Variants in RAB11FIP4 observed in about 807,000 individuals in gnomAD.
The protein encoded by RAB11FIP4 is RAB11 family interacting protein 4, also known as rab11 family-interacting protein 4.
RAB11FIP4 carries 23 observed loss-of-function variants against 74.3 expected under a neutral mutation model. The ratio of observed to expected loss-of-function variants is 0.31; its 90% CI spans 0.22 to 0.44. The LOEUF is 0.44. Ranked by LOEUF, RAB11FIP4 falls within the 20% of genes least tolerant of loss-of-function variation. RAB11FIP4 has a pLI of 1.00. For synonymous variants in RAB11FIP4, 360 were observed against 359.9 expected, an observed-to-expected ratio of 1.00 and a Z score of 0.00; for missense variants, 630 against 863.9, an observed-to-expected ratio of 0.73 and a Z score of 3.39.
intron 3 of RAB11FIP4, among the ~76,000 whole-genome samples, chr17:31,454,084 C>G (rs966374887): frequency 6.6e-6 from 1 of 152,136 alleles, no homozygotes; most frequent in Non-Finnish European, 1.5e-5. Flanking sequence ...GAGCCCACCC[C>G]TTTGTCAGAC....
intron 3 of RAB11FIP4, among the ~76,000 whole-genome samples, chr17:31,445,440 A>T (rs1247845612): frequency 1.3e-5 from 2 of 149,870 alleles, no homozygotes; most frequent in Non-Finnish European, 3.0e-5. Context: ...ACACTCTCCT[A>T]TGTGACCACA....
chr17:31,407,040 ATTTT>A (rs59919036), intron 1 of RAB11FIP4, among the ~76,000 whole-genome samples: 20 of 51,212 alleles, frequency 3.9e-4, no homozygotes, highest in African/African-American at 1.3e-3. Context: ...GTTTCACTTG[ATTTT>A]TTTTTTTTTT....
intron 3 of RAB11FIP4, among the ~76,000 whole-genome samples, chr17:31,488,980 A>G (rs11080156): frequency 0.76 from 115,736 of 152,146 alleles, 44,284 homozygotes; most frequent in East Asian, 0.94. Context: ...CTCCTCGCCC[A>G]TGCAAACTCT....
chr17:31,533,036 C>T lies in RAB11FIP4; in HGVS notation c.*1304C>T, dbSNP rs1183360202. On this transcript the variant is annotated 3_prime_UTR_variant, in exon 15 of 15. Coordinates refer to ENST00000621161, the MANE Select transcript of RAB11FIP4 (RefSeq NM_032932.6). Reference sequence around the variant, plus strand: ...TTTTCTTAATCCAAATATATATAAACGTGTGTGGTCTTATTCTTCCCCCTG... The same window carrying T: ...TTTTCTTAATCCAAATATATATAAATGTGTGTGGTCTTATTCTTCCCCCTG... 6.6e-6 allele frequency: 1 copy of T among 152,082 alleles called. No homozygotes were observed. The highest frequency in any genetic ancestry group is 1.5e-5 in the Non-Finnish European group (1 of 68,036). 9.4% of individuals were successfully genotyped at this position (152,082 alleles called of 1,614,324 possible).
At chr17:31,408,467 T>C (rs997619658) in intron 1 of RAB11FIP4, among the ~76,000 whole-genome samples, 4 of 152,222 alleles carry the variant, frequency 2.6e-5, no homozygotes, top group Non-Finnish European at 5.9e-5. Flanking sequence ...GTACTTTTTT[T>C]CCATTGATTT....
chr17:31,447,883 C>T (rs1412127253), intron 3 of RAB11FIP4, among the ~76,000 whole-genome samples: 2 of 151,722 alleles, frequency 1.3e-5, no homozygotes, highest in Non-Finnish European at 2.9e-5. Flanking sequence ...TGCAGTGGCG[C>T]GATCTCAGCT....
chr17:31,516,466 G>T (rs757390028), intron 3 of RAB11FIP4, among the ~76,000 whole-genome samples: 4 of 152,112 alleles, frequency 2.6e-5, no homozygotes, highest in Non-Finnish European at 4.4e-5. Context: ...CAAAAACAGA[G>T]ATTTATTTTA....
At chr17:31,463,769 GT>G (rs1428895374) in intron 3 of RAB11FIP4, among the ~76,000 whole-genome samples, 1 of 127,752 alleles carries the variant, frequency 7.8e-6, no homozygotes, top group Non-Finnish European at 1.6e-5. Context: ...CTCCCAAAGT[GT>G]TGGGATTACA....
chr17:31,412,290 A>T lies in RAB11FIP4; in HGVS notation c.160-19523A>T, dbSNP rs904016346. Among the ~76,000 whole-genome samples the T allele has an allele frequency of 9.2e-5, 14 of 152,350 alleles. No individual in the cohort carries two copies. In the South Asian group the frequency reaches 2.9e-3, roughly 32 times the overall value. On this transcript the variant is annotated intron_variant, in intron 1 of 14. Coordinates refer to ENST00000621161, the MANE Select transcript of RAB11FIP4 (RefSeq NM_032932.6). Reference sequence around the variant, plus strand: ...GAGAAAAGCTCTAGATCCCCAGAGCAGGGGTCCCACCCGTGTCCAGCAAAC... The same window carrying T: ...GAGAAAAGCTCTAGATCCCCAGAGCTGGGGTCCCACCCGTGTCCAGCAAAC...
chr17:31,488,103 C>T, intron 3 of RAB11FIP4: 3 of 1,020,248 alleles, frequency 2.9e-6, no homozygotes, highest in Non-Finnish European at 3.5e-6. Context: ...GGGGCCGCGC[C>T]TTCCACTGGT....
chr17:31,402,865 TCC>T (rs2071004869), intron 1 of RAB11FIP4, among the ~76,000 whole-genome samples: 2 of 151,870 alleles, frequency 1.3e-5, no homozygotes, highest in Non-Finnish European at 2.9e-5. Context: ...GACCTTGTGA[TCC>T]ACCCGCCTTG....
At chr17:31,411,105 T>C (rs1446592341) in intron 1 of RAB11FIP4, among the ~76,000 whole-genome samples, 3 of 152,218 alleles carry the variant, frequency 2.0e-5, no homozygotes, top group Non-Finnish European at 4.4e-5. Context: ...GGCTCACGCC[T>C]GTAATCCCAG....
At position 31,532,773 on chromosome 17, in the gene RAB11FIP4, C is replaced by T. The variant is rs993171952; in HGVS notation, c.*1041C>T. The T allele has an allele frequency of 3.3e-5, 5 of 152,194 alleles. No homozygotes were observed. Among genetic ancestry groups the T allele is most frequent in the Admixed American group, 6.5e-5 (1 of 15,282 alleles). 9.4% of individuals were successfully genotyped at this position (152,194 alleles called of 1,614,324 possible). Reference sequence around the variant, plus strand: ...CACTCGTGTGGCAGCAAGACTGCTTCGTTCCAGCGTTTAGAAACACACCTG... The same window carrying T: ...CACTCGTGTGGCAGCAAGACTGCTTTGTTCCAGCGTTTAGAAACACACCTG... On this transcript the variant is annotated 3_prime_UTR_variant, in exon 15 of 15. Coordinates refer to ENST00000621161, the MANE Select transcript of RAB11FIP4 (RefSeq NM_032932.6).
In RAB11FIP4 at chr17:31,523,889, G is replaced by A. The variant is rs769645831; in HGVS notation, c.1030-4G>A. On this transcript the variant is annotated splice_region_variant and splice_polypyrimidine_tract_variant and intron_variant, in intron 8 of 14. Transcript: ENST00000621161. ...CTCCACCCCACCCCGGCCCCCTGCT[G>A]CAGGTAAGCTTCCTGGAAAAGAAGG... 12 of 1,606,274 alleles carry A rather than the reference G, an allele frequency of 7.5e-6. No individual in the cohort carries two copies. In the East Asian group the frequency reaches 8.9e-5, roughly 12 times the overall value.
intron 3 of RAB11FIP4, among the ~76,000 whole-genome samples, chr17:31,482,467 T>C (rs2071858796): frequency 6.6e-6 from 1 of 152,024 alleles, no homozygotes; most frequent in Non-Finnish European, 1.5e-5. Flanking sequence ...GGCATATGCC[T>C]GTAATCTCAG....
In RAB11FIP4 at chr17:31,495,366, A is replaced by AT. The variant is rs3058694; in HGVS notation, c.337-22259dup. Among the ~76,000 whole-genome samples the AT allele has an allele frequency of 7.9e-3, 653 of 83,164 alleles. 20 individuals are homozygous for AT. The highest frequency in any genetic ancestry group is 0.012 in the Non-Finnish European group (474 of 39,756). 54.6% of individuals were successfully genotyped at this position (83,164 alleles called of 152,430 possible). A position where few individuals can be genotyped will look rare whatever the true frequency, so the allele number is the denominator to read the frequency against. The stretch of plus-strand genomic sequence containing the variant: ...GGGCAGGACAGCCTCCACTTGACTG[A>AT]TTTTTTTTTTTTTTTTTTTTTTTTT... On this transcript the variant is annotated intron_variant, in intron 3 of 14. Transcript: ENST00000621161.
chr17:31,400,882 C>T (rs529730199), intron 1 of RAB11FIP4, among the ~76,000 whole-genome samples: 9 of 152,294 alleles, frequency 5.9e-5, no homozygotes, highest in Admixed American at 4.6e-4. Context: ...GCTCTTTCTC[C>T]CTTTCCTTCT....
chr17:31,429,213 G>A (rs2071283134), intron 1 of RAB11FIP4, among the ~76,000 whole-genome samples: 1 of 152,096 alleles, frequency 6.6e-6, no homozygotes, highest in African/African-American at 2.4e-5. Context: ...TTGCCCTTAG[G>A]GAGCTTACTT....
intron 10 of RAB11FIP4, chr17:31,525,750 C>T (rs1319840488): frequency 1.2e-5 from 2 of 161,562 alleles, no homozygotes; most frequent in East Asian, 1.9e-4. Flanking sequence ...GTGTGCCCCA[C>T]AGAGCGGCTG....
Sources: gnomAD v4.1 joint callset for allele counts (sites outside exome capture counted in the v4.1 genomes callset) on GRCh38, gnomAD v4.1.1 for gene constraint, MANE v1.5 for transcripts, NCBI Gene and HGNC (gene_info 2026-07-23, HGNC 2026-07-21) for gene names.